The following LRRC59 variants were observed in gnomAD, a reference collection of about 807,000 sequenced individuals.
The protein encoded by LRRC59 is leucine rich repeat containing 59, also known as leucine-rich repeat-containing protein 59.
In LRRC59, 18 loss-of-function variants were observed where a neutral mutation model predicts 33.5. The observed-to-expected ratio is 0.54, with a 90% CI of 0.37 to 0.80. The LOEUF is 0.80. Ranked by LOEUF, LRRC59 falls within the 30% of genes least tolerant of loss-of-function variation. The pLI is 0.00. For missense variants in LRRC59, 330 were observed against 391.9 expected, an observed-to-expected ratio of 0.84 and a Z score of 1.33; for synonymous variants, 138 against 160.0, an observed-to-expected ratio of 0.86 and a Z score of 1.04.
intron 6 of LRRC59, 97 bp downstream of exon 6, chr17:50,385,021 A>G: frequency 7.3e-7 from 1 of 1,366,188 alleles, no homozygotes; most frequent in Non-Finnish European, 1.0e-6. Context: ...ACTTTATCTA[A>G]GGTTTGCAGG....
chr17:50,382,972 G>C lies in LRRC59; in HGVS notation c.*16C>G. ...CAAACTCCAAGGCTGGGAGGCAGCA[G>C]GTGCTGGGGACAAGCTCACTGCTGA... On this transcript the variant is annotated 3_prime_UTR_variant, in exon 7 of 7. Coordinates refer to ENST00000225972, the MANE Select transcript of LRRC59 (RefSeq NM_018509.4). 1 of 1,606,548 alleles carries C rather than the reference G, an allele frequency of 6.2e-7. No homozygotes were observed. The highest frequency in any genetic ancestry group is 8.5e-7 in the Non-Finnish European group (1 of 1,175,308).
In LRRC59 at chr17:50,382,440, G is replaced by A. The variant is rs1913883983; in HGVS notation, c.*548C>T. 6.4e-6 allele frequency: 1 copy of A among 155,200 alleles called. No individual in the cohort carries two copies. The highest frequency in any genetic ancestry group is 2.4e-5 in the African/African-American group (1 of 41,432). The allele number at this position is 155,200 out of a possible 1,614,324, so 9.6% of individuals were successfully genotyped here. ...TTATATTGGACTGGATGGTCATGAA[G>A]TCCCTTTCATAGCCAGAGATTTTGT... On this transcript the variant is annotated 3_prime_UTR_variant, in exon 7 of 7. Transcript: ENST00000225972.
Position 50,388,121 on chromosome 17 carries a change from G to A in LRRC59, c.441C>T (p.His147=), listed in dbSNP as rs750711352. The part of the protein sequence containing the change: ...CKQCANKVLQ[H]MKAVQADQER... ...CCTGATCTGCCTGCACGGCCTTCAT[G>A]TGCTGTAACACCTGCAAAGGAAAAG... The change falls in exon 5 of 7, where the codon CAC becomes CAT. Residue 147 remains histidine (H), a synonymous_variant. Coordinates refer to ENST00000225972, the MANE Select transcript of LRRC59 (RefSeq NM_018509.4). 3.7e-6 allele frequency: 6 copies of A among 1,614,210 alleles called. No homozygotes were observed. Among genetic ancestry groups the A allele is most frequent in the Non-Finnish European group, 5.1e-6 (6 of 1,180,038 alleles).
intron 2 of LRRC59, 75 bp downstream of exon 2, chr17:50,394,854 C>T: frequency 9.6e-7 from 1 of 1,044,970 alleles, no homozygotes; most frequent in South Asian, 1.3e-5. Flanking sequence ...CCTCCCACCC[C>T]CCTCTCAACC....
intron 1 of LRRC59, among the ~76,000 whole-genome samples, chr17:50,395,548 G>A (rs1175773017): frequency 1.3e-5 from 2 of 152,186 alleles, no homozygotes; most frequent in African/African-American, 4.8e-5. Flanking sequence ...CCTCAGAACA[G>A]GTACTCAATA....
At chr17:50,386,650 A>G (rs1198724494) in intron 5 of LRRC59, among the ~76,000 whole-genome samples, 2 of 152,194 alleles carry the variant, frequency 1.3e-5, no homozygotes, top group Non-Finnish European at 2.9e-5. Context: ...GGTGAAGGCA[A>G]CAGGGGTCAG....
Position 50,397,397 on chromosome 17 carries a change from GC to G in LRRC59, c.-81del. On this transcript the variant is annotated 5_prime_UTR_variant, in exon 1 of 7. Coordinates refer to ENST00000225972, the MANE Select transcript of LRRC59 (RefSeq NM_018509.4). ...TGAAATGTCGCTTGTCAGTTCAGCG[GC>G]CCCCCACCCAAACGACGACGCCTGA... 6.3e-6 allele frequency: 7 copies of G among 1,108,034 alleles called. No individual in the cohort carries two copies. Among genetic ancestry groups the G allele is most frequent in the Middle Eastern group, 2.9e-4 (1 of 3,404 alleles). The allele number at this position is 1,108,034 out of a possible 1,614,324, so 68.6% of individuals were successfully genotyped here.
chr17:50,385,157 GC>G lies in LRRC59; in HGVS notation c.636del (p.Glu212AspfsTer37). 1 of 1,614,076 alleles carries G rather than the reference GC, an allele frequency of 6.2e-7. No individual in the cohort carries two copies. Among genetic ancestry groups the G allele is most frequent in the Non-Finnish European group, 8.5e-7 (1 of 1,180,008 alleles). On this transcript the variant is annotated frameshift_variant, in exon 6 of 7. Coordinates refer to ENST00000225972, the MANE Select transcript of LRRC59 (RefSeq NM_018509.4). LOFTEE classifies it high-confidence loss of function. ...EYDALKAAKR[E>X]QEKKPKKEAN... Reference sequence around the variant, plus strand: ...GCTTCCTTCTTAGGTTTCTTCTCCTGCTCCCGCTTGGCTGCTTTGAGGGCAT... The same window carrying G: ...GCTTCCTTCTTAGGTTTCTTCTCCTGTCCCGCTTGGCTGCTTTGAGGGCAT...
intron 6 of LRRC59, among the ~76,000 whole-genome samples, chr17:50,384,366 C>G (rs1010733393): frequency 1.3e-5 from 2 of 152,114 alleles, no homozygotes; most frequent in African/African-American, 4.8e-5. Context: ...CTATGTTGCT[C>G]AGGCTGGTCT....
At chr17:50,387,458 G>A (rs1037191567) in intron 5 of LRRC59, among the ~76,000 whole-genome samples, 2 of 152,242 alleles carry the variant, frequency 1.3e-5, no homozygotes, top group African/African-American at 4.8e-5. Context: ...TCAGTGGGAT[G>A]CCATTAGAGG....
At chr17:50,387,296 CCT>C (rs1331624117) in intron 5 of LRRC59, among the ~76,000 whole-genome samples, 4 of 152,152 alleles carry the variant, frequency 2.6e-5, no homozygotes, top group Non-Finnish European at 4.4e-5. Flanking sequence ...CAGCAAAGCC[CCT>C]GAGTGAGACT....
intron 5 of LRRC59, among the ~76,000 whole-genome samples, 153 bp downstream of exon 5, chr17:50,387,907 A>G (rs78162075): frequency 0.014 from 2,079 of 152,242 alleles, 42 homozygotes; most frequent in African/African-American, 0.047. Flanking sequence ...GATTCATCAG[A>G]TAAAGACGAT....
chr17:50,396,757 G>A, intron 1 of LRRC59: 1 of 194,328 alleles, frequency 5.1e-6, no homozygotes, highest in East Asian at 1.2e-4. Context: ...CTGCCTCAGG[G>A]CTCGGGCAGC....
chr17:50,385,926 G>A (rs923299120), intron 5 of LRRC59, among the ~76,000 whole-genome samples: 20 of 152,236 alleles, frequency 1.3e-4, no homozygotes, highest in African/African-American at 4.8e-4. Flanking sequence ...GTGTGCTGGC[G>A]CATGCCTGTA....
At chr17:50,385,487 C>T (rs1245076290) in intron 5 of LRRC59, among the ~76,000 whole-genome samples, 196 bp from the exon 6 acceptor site, 1 of 152,140 alleles carries the variant, frequency 6.6e-6, no homozygotes, top group East Asian at 1.9e-4. Context: ...TCAGGGTTTG[C>T]TGAATGGTTT....
chr17:50,397,223 A>C lies in LRRC59; in HGVS notation c.95T>G (p.Val32Gly). ...LSLSDLNEVPVKELAALPKAT... is the reference protein window; with the variant it reads ...LSLSDLNEVPGKELAALPKAT... ...CGGGACGATACTGACCAGCTCCTTC[A>C]CCGGGACCTCATTCAGGTCGCTGAG... Residue 32 changes from valine to glycine, a missense_variant, in exon 1 of 7, where the codon GTG (valine) becomes GGG (glycine). Transcript: ENST00000225972. 1 of 1,599,882 alleles carries C rather than the reference A, an allele frequency of 6.3e-7. No individual in the cohort carries two copies. The highest frequency in any genetic ancestry group is 8.5e-7 in the Non-Finnish European group (1 of 1,174,120).
At chr17:50,395,079 C>T (rs2143375987) in intron 1 of LRRC59, 91 bp from the exon 2 acceptor site, 1 of 880,120 alleles carries the variant, frequency 1.1e-6, no homozygotes, top group East Asian at 2.6e-5. Flanking sequence ...AGAGAATGTT[C>T]CCATGATTAG....
chr17:50,383,298 C>T, intron 6 of LRRC59, 63 bp from the exon 7 acceptor site: 1 of 1,504,484 alleles, frequency 6.6e-7, no homozygotes, highest in South Asian at 1.3e-5. Context: ...CTATACTAAT[C>T]TCTGCTAGTC....
At chr17:50,389,327 A>G (rs1417979663) in intron 4 of LRRC59, among the ~76,000 whole-genome samples, 1 of 152,110 alleles carries the variant, frequency 6.6e-6, no homozygotes, top group Non-Finnish European at 1.5e-5. Context: ...GTATTTTTTT[A>G]AAGGTGGTAT....
Sources: gnomAD v4.1 joint callset for allele counts (sites outside exome capture counted in the v4.1 genomes callset) on GRCh38, gnomAD v4.1.1 for gene constraint, MANE v1.5 for transcripts, NCBI Gene and HGNC (gene_info 2026-07-23, HGNC 2026-07-21) for gene names.